The following THRB variants were observed in gnomAD, a reference collection of about 807,000 sequenced individuals.
The protein encoded by THRB is thyroid hormone receptor beta.
Under a neutral mutation model 47.8 loss-of-function variants are expected in THRB, and 12 were observed. That is an observed-to-expected ratio of 0.25 (90% CI 0.16 to 0.41). The LOEUF is 0.41. Among genes scored for constraint, THRB ranks in the 10% least tolerant of loss-of-function variants. The pLI, the probability that THRB is intolerant of heterozygous loss-of-function variation, is 1.00. For missense variants in THRB, 348 were observed against 589.2 expected (o/e 0.59, Z 4.24); for synonymous variants, 218 against 212.2 (o/e 1.03, Z -0.24).
intron 5 of THRB, among the ~76,000 whole-genome samples, chr3:24,165,958 G>A (rs1183533054): frequency 6.6e-6 from 1 of 152,168 alleles, no homozygotes; most frequent in African/African-American, 2.4e-5. Flanking sequence ...CCTGATGACT[G>A]ACTGACTCCA....
rs2034161545 is a variant in THRB, at chr3:24,133,393, T to C, written c.808A>G (p.Ser270Gly). ...GGTGTGATGATTTTTGTAAAATGGC[T>C]GAAGGCTTCCAAGTCAACCTTTCCA... ...EGGKVDLEAF[S>G]HFTKIITPAI... Residue 270 changes from serine (S) to glycine (G), a missense_variant, in exon 9 of 11, where the codon AGC becomes GGC. This residue lies in a region of THRB where 45 missense variants were observed against 156.2 expected (regional missense o/e 0.29). Transcript: ENST00000646209. 1 of 1,614,058 alleles carries C rather than the reference T, an allele frequency of 6.2e-7. No individual in the cohort carries two copies. The highest frequency in any genetic ancestry group is 1.3e-5 in the African/African-American group (1 of 74,944).
chr3:24,363,235 G>A (rs528734328), intron 1 of THRB, among the ~76,000 whole-genome samples: 7 of 152,242 alleles, frequency 4.6e-5, no homozygotes, highest in African/African-American at 1.7e-4. Flanking sequence ...CATCCAATGA[G>A]AGCCAACTGC....
intron 8 of THRB, 52 bp downstream of exon 8, chr3:24,143,449 G>T: frequency 6.5e-7 from 1 of 1,545,092 alleles, no homozygotes; most frequent in Non-Finnish European, 8.9e-7. Context: ...AATAAATTGA[G>T]GTAGAAAACA....
At chr3:24,183,206 GTGGCAAAAAC>G (rs2042124128) in intron 5 of THRB, among the ~76,000 whole-genome samples, 1 of 152,030 alleles carries the variant, frequency 6.6e-6, no homozygotes, top group Middle Eastern at 3.2e-3. Context: ...GTCAGAAAGG[GTGGCAAAAAC>G]TGGAGGAGGT....
intron 1 of THRB, among the ~76,000 whole-genome samples, chr3:24,478,786 A>G (rs1695876294): frequency 6.6e-6 from 1 of 152,164 alleles, no homozygotes; most frequent in Non-Finnish European, 1.5e-5. Context: ...GATCATCATG[A>G]TGAAAAAGCA....
chr3:24,260,536 T>C (rs376909392), intron 3 of THRB, among the ~76,000 whole-genome samples: 5 of 152,224 alleles, frequency 3.3e-5, no homozygotes, highest in East Asian at 3.8e-4. Flanking sequence ...TGGCTTTCTC[T>C]TTATCATCAT....
At chr3:24,424,055 T>C (rs2069523740) in intron 1 of THRB, among the ~76,000 whole-genome samples, 1 of 151,900 alleles carries the variant, frequency 6.6e-6, no homozygotes, top group South Asian at 2.1e-4. Context: ...AGTTTTTTAA[T>C]TTCTGAAATT....
chr3:24,258,260 G>T (rs1553676830), intron 3 of THRB, among the ~76,000 whole-genome samples: 2 of 152,152 alleles, frequency 1.3e-5, no homozygotes, highest in Non-Finnish European at 2.9e-5. Flanking sequence ...GGGAGGCCCT[G>T]TCCGTCTGAG....
chr3:24,247,524 G>A (rs191117175), intron 3 of THRB, among the ~76,000 whole-genome samples: 2 of 152,296 alleles, frequency 1.3e-5, no homozygotes, highest in East Asian at 1.9e-4. Context: ...GAGAGACAGG[G>A]AGCAAATCCT....
chr3:24,263,191 C>T (rs930887057), intron 3 of THRB, among the ~76,000 whole-genome samples: 1 of 152,162 alleles, frequency 6.6e-6, no homozygotes, highest in African/African-American at 2.4e-5. Context: ...TCCCACCTTG[C>T]CTGCTGGACT....
chr3:24,350,374 G>A (rs749120039), intron 1 of THRB, among the ~76,000 whole-genome samples: 1 of 152,028 alleles, frequency 6.6e-6, no homozygotes, highest in Middle Eastern at 3.4e-3. Flanking sequence ...GTGTACACGT[G>A]GTCACCAAAA....
chr3:24,173,592 A>G (rs1024641423), intron 5 of THRB, among the ~76,000 whole-genome samples: 3 of 151,760 alleles, frequency 2.0e-5, no homozygotes, highest in Non-Finnish European at 2.9e-5. Context: ...CTTCCACCCA[A>G]CTCCACAGCC....
chr3:24,491,942 C>T (rs144356072), intron 1 of THRB, among the ~76,000 whole-genome samples: 1 of 152,324 alleles, frequency 6.6e-6, no homozygotes, highest in African/African-American at 2.4e-5. Context: ...GCAGAAATAG[C>T]TCTTTGCATT....
intron 2 of THRB, among the ~76,000 whole-genome samples, chr3:24,313,191 T>A (rs1158732145): frequency 6.6e-6 from 1 of 152,198 alleles, no homozygotes; most frequent in Non-Finnish European, 1.5e-5. Context: ...ACTTCCTCCA[T>A]GAAAGCTGTC....
At chr3:24,468,349 T>C (rs1366467837) in intron 1 of THRB, among the ~76,000 whole-genome samples, 4 of 152,228 alleles carry the variant, frequency 2.6e-5, no homozygotes, top group Non-Finnish European at 5.9e-5. Flanking sequence ...CAGTTTTAAT[T>C]TTCTTCAAGA....
At chr3:24,409,942 T>C (rs2068142478) in intron 1 of THRB, among the ~76,000 whole-genome samples, 1 of 151,882 alleles carries the variant, frequency 6.6e-6, no homozygotes, top group African/African-American at 2.4e-5. Flanking sequence ...ATTATTTCAA[T>C]GTGTTAAGCA....
intron 1 of THRB, among the ~76,000 whole-genome samples, chr3:24,348,401 T>G (rs2063155336): frequency 6.6e-6 from 1 of 152,058 alleles, no homozygotes; most frequent in Non-Finnish European, 1.5e-5. Flanking sequence ...AAGTCCCCCT[T>G]CTTTCCTTCC....
At chr3:24,316,026 T>G (rs114841742) in intron 2 of THRB, among the ~76,000 whole-genome samples, 1 of 152,218 alleles carries the variant, frequency 6.6e-6, no homozygotes, top group Non-Finnish European at 1.5e-5. Context: ...TGACAGCTCT[T>G]GTTTGCTCCT....
chr3:24,482,083 C>G (rs1052866703), intron 1 of THRB, among the ~76,000 whole-genome samples: 1 of 152,146 alleles, frequency 6.6e-6, no homozygotes, highest in Admixed American at 6.5e-5. Context: ...GCAAAATGAT[C>G]GAGTAAATTT....
Sources: allele counts gnomAD v4.1 joint callset (sites outside exome capture counted in the v4.1 genomes callset), GRCh38; gene constraint gnomAD v4.1.1; regional missense constraint gnomAD v4.1.1; transcripts MANE v1.5; gene names NCBI Gene and HGNC (gene_info 2026-07-23, HGNC 2026-07-21).